The following TOM1L2 variants were observed in gnomAD, a reference collection of about 807,000 sequenced individuals.
TOM1L2 encodes TOM1-like protein 2.
In TOM1L2, 31 loss-of-function variants were observed where a neutral mutation model predicts 67.9. That is an observed-to-expected ratio of 0.46 (90% confidence interval 0.34 to 0.62). TOM1L2 has a LOEUF of 0.62. TOM1L2 is among the 20% of genes least tolerant of loss of function. The probability of loss-of-function intolerance (pLI) is 0.01; values close to 1 mark genes in which losing one functional copy is unlikely to be tolerated. For synonymous variants in TOM1L2, 256 were observed against 254.0 expected (o/e 1.01, Z -0.07); for missense variants, 606 against 663.5 (o/e 0.91, Z 0.95).
At chr17:17,898,574 C>G in intron 3 of TOM1L2, 22 bp downstream of exon 3, 1 of 1,613,774 alleles carries the variant, frequency 6.2e-7, no homozygotes, top group African/African-American at 1.3e-5. Context: ...TGACTTCTCT[C>G]CTCAAGGAGA....
At chr17:17,852,282 C>T (rs2036019392) in intron 12 of TOM1L2, among the ~76,000 whole-genome samples, 1 of 152,244 alleles carries the variant, frequency 6.6e-6, no homozygotes, top group African/African-American at 2.4e-5. Context: ...AGTGATGTGA[C>T]AACTCCAGTC....
intron 4 of TOM1L2, among the ~76,000 whole-genome samples, chr17:17,889,967 T>G (rs2038192239): frequency 6.6e-6 from 1 of 152,004 alleles, no homozygotes; most frequent in Non-Finnish European, 1.5e-5. Context: ...CTAGCCGCAT[T>G]GATATGAGAG....
At chr17:17,866,034 G>A (rs1019317559) in intron 10 of TOM1L2, among the ~76,000 whole-genome samples, 5 of 152,150 alleles carry the variant, frequency 3.3e-5, no homozygotes, top group Middle Eastern at 3.4e-3. Flanking sequence ...GAGCCACTGC[G>A]CACGGCCGTG....
intron 5 of TOM1L2, among the ~76,000 whole-genome samples, chr17:17,883,313 T>C (rs142325996): frequency 1.3e-5 from 2 of 152,360 alleles, no homozygotes; most frequent in East Asian, 3.9e-4. Flanking sequence ...TTACCAAATG[T>C]TTTTTGTAAT....
At chr17:17,935,323 T>A (rs1228465203) in intron 1 of TOM1L2, among the ~76,000 whole-genome samples, 1 of 152,258 alleles carries the variant, frequency 6.6e-6, no homozygotes, top group Non-Finnish European at 1.5e-5. Context: ...ATGCTTATAA[T>A]CTGTTGGCAA....
intron 14 of TOM1L2, 128 bp downstream of exon 14, chr17:17,848,695 C>T: frequency 2.0e-6 from 2 of 1,010,648 alleles, no homozygotes; most frequent in South Asian, 1.4e-5. Flanking sequence ...CCCGTGAAGC[C>T]CATGGCTCAG....
Position 17,845,956 on chromosome 17 carries a change from C to T in TOM1L2, c.*1679G>A, listed in dbSNP as rs1280988993. ...ACTGGAGTGAGACATCCCAGCTAGT[C>T]CCACCCTCAGCCAGACAGAGGTTTC... On this transcript the variant is annotated 3_prime_UTR_variant, in exon 15 of 15. Transcript: ENST00000379504. 6.6e-6 allele frequency: 1 copy of T among 152,368 alleles called. No individual in the cohort carries two copies. The highest frequency in any genetic ancestry group is 2.4e-5 in the African/African-American group (1 of 41,468). The allele number at this position is 152,368 out of a possible 1,614,324, so 9.4% of individuals were successfully genotyped here. A position where few individuals can be genotyped will look rare whatever the true frequency, so the allele number is the denominator to read the frequency against.
intron 13 of TOM1L2, 70 bp downstream of exon 13, chr17:17,850,823 C>T: frequency 1.3e-6 from 2 of 1,560,030 alleles, no homozygotes; most frequent in Non-Finnish European, 8.8e-7. Context: ...GATGCTCCCC[C>T]AAGGCCTGTC....
At chr17:17,913,571 T>C (rs2039501010) in intron 1 of TOM1L2, among the ~76,000 whole-genome samples, 1 of 152,180 alleles carries the variant, frequency 6.6e-6, no homozygotes, top group African/African-American at 2.4e-5. Flanking sequence ...TCTGTTTCAG[T>C]AGAGCTAAAT....
intron 1 of TOM1L2, among the ~76,000 whole-genome samples, chr17:17,929,563 G>A (rs999643218): frequency 1.4e-4 from 22 of 152,114 alleles, no homozygotes; most frequent in African/African-American, 4.1e-4. Context: ...CCCGGGAAGC[G>A]GAGGTTGTGG....
intron 2 of TOM1L2, among the ~76,000 whole-genome samples, chr17:17,900,512 A>G (rs1169225017): frequency 1.4e-5 from 2 of 142,918 alleles, no homozygotes; most frequent in African/African-American, 2.8e-5. Flanking sequence ...ACAGAGTAAG[A>G]CTCCATCTCA....
At chr17:17,946,257 A>C (rs983309080) in intron 1 of TOM1L2, among the ~76,000 whole-genome samples, 1 of 130,212 alleles carries the variant, frequency 7.7e-6, no homozygotes, top group Admixed American at 8.2e-5. Flanking sequence ...TGTACAATTC[A>C]GTGGCATTAG....
intron 1 of TOM1L2, among the ~76,000 whole-genome samples, chr17:17,947,811 T>C (rs2041016653): frequency 6.6e-6 from 1 of 152,234 alleles, no homozygotes; most frequent in Admixed American, 6.5e-5. Context: ...TTTTGTTCTT[T>C]CCAGAAAGTA....
At chr17:17,921,288 C>T (rs1365854778) in intron 1 of TOM1L2, among the ~76,000 whole-genome samples, 1 of 152,206 alleles carries the variant, frequency 6.6e-6, no homozygotes, top group African/African-American at 2.4e-5. Context: ...GCCAGCCAAA[C>T]AACAGAGAAA....
Position 17,960,309 on chromosome 17 carries a change from A to G in TOM1L2, c.52+11953T>C, listed in dbSNP as rs114493908. 7.5e-3 allele frequency among the ~76,000 whole-genome samples: 1,139 copies of G among 152,200 alleles called. 13 individuals carry two copies. Among genetic ancestry groups the G allele is most frequent in the African/African-American group, 0.026 (1,094 of 41,520 alleles). On this transcript the variant is annotated intron_variant, in intron 1 of 14. Transcript: ENST00000379504. The stretch of plus-strand genomic sequence containing the variant: ...TCAAATCCCTGCTCTGCCACTGATA[A>G]TCCACAGACCTTGAGGAAGGTACTT...
At chr17:17,940,543 G>C (rs1016950979) in intron 1 of TOM1L2, among the ~76,000 whole-genome samples, 2 of 152,188 alleles carry the variant, frequency 1.3e-5, no homozygotes, top group African/African-American at 4.8e-5. Context: ...GCATGGAGAA[G>C]TCAGGCTTTC....
At position 17,845,489 on chromosome 17, in the gene TOM1L2, C is replaced by A. The variant is rs926574833; in HGVS notation, c.*2146G>T. ...CCTTTCAGAGCCTCCAGGCTCCTGA[C>A]TTTTTGGGACTCCTGGTTCCATGAG... On this transcript the variant is annotated 3_prime_UTR_variant, in exon 15 of 15. Coordinates refer to ENST00000379504, the MANE Select transcript of TOM1L2 (RefSeq NM_001082968.2). The A allele has an allele frequency of 2.6e-5, 4 of 152,296 alleles. No individual in the cohort carries two copies. The highest frequency in any genetic ancestry group is 9.6e-5 in the African/African-American group (4 of 41,466). 9.4% of individuals were successfully genotyped at this position (152,296 alleles called of 1,614,324 possible).
chr17:17,848,576 C>T (rs974868070), intron 14 of TOM1L2, among the ~76,000 whole-genome samples: 3 of 152,254 alleles, frequency 2.0e-5, no homozygotes, highest in African/African-American at 7.2e-5. Flanking sequence ...CCGCTATTCA[C>T]CAGCTCTGCA....
chr17:17,947,429 T>C (rs887364940), intron 1 of TOM1L2, among the ~76,000 whole-genome samples: 2 of 152,216 alleles, frequency 1.3e-5, no homozygotes, highest in African/African-American at 4.8e-5. Flanking sequence ...CTGATTGAAT[T>C]TGGAGACAGG....
Sources: gnomAD v4.1 joint callset for allele counts (sites outside exome capture counted in the v4.1 genomes callset) on GRCh38, gnomAD v4.1.1 for gene constraint, MANE v1.5 for transcripts, NCBI Gene and HGNC (gene_info 2026-07-23, HGNC 2026-07-21) for gene names.